LRBA: variants seen among roughly 807,000 people sequenced by gnomAD.
LRBA encodes the protein lipopolysaccharide-responsive and beige-like anchor protein.
Under a neutral mutation model 330.0 loss-of-function variants are expected in LRBA, and 176 were observed. The observed-to-expected ratio is 0.53, with a 90% CI of 0.47 to 0.60. The LOEUF is 0.60. Among genes scored for constraint, LRBA ranks in the 20% least tolerant of loss-of-function variants. The pLI is 0.00. For missense variants in LRBA, 3,259 were observed against 3,444.8 expected (o/e 0.95, Z 1.35); for synonymous variants, 1,230 against 1,193.0 (o/e 1.03, Z -0.64).
At chr4:151,010,367 A>G (rs187481994) in intron 2 of LRBA, among the ~76,000 whole-genome samples, 171 of 152,362 alleles carry the variant, frequency 1.1e-3, no homozygotes, top group Admixed American at 2.2e-3. Context: ...TTACTTTAAA[A>G]TACAGATGAA....
intron 20 of LRBA, among the ~76,000 whole-genome samples, chr4:150,869,027 G>A (rs1464500603): frequency 6.6e-6 from 1 of 152,074 alleles, no homozygotes; most frequent in Non-Finnish European, 1.5e-5. Context: ...CATAATTTAT[G>A]GTATGCACAC....
chr4:150,902,744 G>C (rs1432161670), intron 13 of LRBA, among the ~76,000 whole-genome samples: 1 of 152,024 alleles, frequency 6.6e-6, no homozygotes, highest in African/African-American at 2.4e-5. Flanking sequence ...TGTGCATTTT[G>C]TCCAATCCTT....
At chr4:150,634,605 T>C (rs912210400) in intron 37 of LRBA, among the ~76,000 whole-genome samples, 1 of 152,230 alleles carries the variant, frequency 6.6e-6, no homozygotes, top group Admixed American at 6.5e-5. Context: ...CACAATACTA[T>C]TGTGAAGGAT....
In LRBA at chr4:150,572,402, G is replaced by A. The variant is rs749180380; in HGVS notation, c.6330+15646C>T. ...TTCTAACTACTGAACTTTTATAACA[G>A]GAGTATCTTTGATTAAATAAGGAGC... On this transcript the variant is annotated intron_variant, in intron 40 of 56. Coordinates refer to ENST00000651943, the MANE Select transcript of LRBA (RefSeq NM_001364905.1). 8.4e-4 allele frequency among the ~76,000 whole-genome samples: 128 copies of A among 152,162 alleles called. No individual in the cohort carries two copies. In the Middle Eastern group the frequency reaches 0.01, roughly 12 times the overall value.
intron 2 of LRBA, among the ~76,000 whole-genome samples, chr4:151,012,352 A>C (rs567517550): frequency 6.6e-6 from 1 of 152,370 alleles, no homozygotes; most frequent in Middle Eastern, 3.4e-3. Flanking sequence ...CATTCTAAAG[A>C]ACAGGAGTTC....
At chr4:150,525,176 G>A (rs1026864497) in intron 40 of LRBA, among the ~76,000 whole-genome samples, 3 of 151,962 alleles carry the variant, frequency 2.0e-5, no homozygotes, top group Non-Finnish European at 4.4e-5. Flanking sequence ...ATCAGCTATG[G>A]AGTGAGCATC....
chr4:150,708,236 T>C (rs1785829635), intron 36 of LRBA, among the ~76,000 whole-genome samples: 1 of 151,820 alleles, frequency 6.6e-6, no homozygotes, highest in Non-Finnish European at 1.5e-5. Context: ...AATAACTTAC[T>C]CTCCAGAGCA....
intron 37 of LRBA, among the ~76,000 whole-genome samples, chr4:150,622,934 T>C (rs1776453616): frequency 1.3e-5 from 2 of 152,014 alleles, no homozygotes; most frequent in African/African-American, 4.8e-5. Flanking sequence ...CCTGACCTCG[T>C]GATCCACCCG....
chr4:150,777,480 T>C (rs1737551404), intron 34 of LRBA, among the ~76,000 whole-genome samples: 1 of 152,186 alleles, frequency 6.6e-6, no homozygotes, highest in Admixed American at 6.5e-5. Flanking sequence ...TTCAATGAAA[T>C]ATCCACATTG....
intron 9 of LRBA, among the ~76,000 whole-genome samples, chr4:150,909,217 G>A (rs1455850869): frequency 1.2e-4 from 19 of 152,068 alleles, no homozygotes; most frequent in Non-Finnish European, 1.5e-5. Flanking sequence ...TTGTTCAACA[G>A]CAAATCTCTA....
intron 34 of LRBA, among the ~76,000 whole-genome samples, chr4:150,770,586 TACACACAC>T (rs34361480): frequency 2.7e-5 from 4 of 148,006 alleles, no homozygotes; most frequent in Admixed American, 2.0e-4. Flanking sequence ...TATATATATA[TACACACAC>T]ACACACACAC....
chr4:150,530,299 C>T (rs1763923949), intron 40 of LRBA, among the ~76,000 whole-genome samples: 1 of 152,088 alleles, frequency 6.6e-6, no homozygotes, highest in Non-Finnish European at 1.5e-5. Context: ...AAAGAATCAT[C>T]AAGGGAGTAT....
At chr4:150,291,783 T>C (rs1447967166) in intron 53 of LRBA, among the ~76,000 whole-genome samples, 10 of 150,278 alleles carry the variant, frequency 6.7e-5, no homozygotes, top group South Asian at 2.2e-4. Flanking sequence ...CGTATGTTTA[T>C]TGCGGCATTA....
intron 46 of LRBA, among the ~76,000 whole-genome samples, chr4:150,418,089 A>G (rs1748051258): frequency 6.6e-6 from 1 of 151,612 alleles, no homozygotes; most frequent in South Asian, 2.1e-4. Flanking sequence ...TAGTGGCACA[A>G]TCATAGTTCA....
chr4:150,323,307 A>G (rs1447392808), intron 49 of LRBA, among the ~76,000 whole-genome samples: 1 of 152,176 alleles, frequency 6.6e-6, no homozygotes, highest in Non-Finnish European at 1.5e-5. Context: ...GTTTTTAAAT[A>G]ATATTTACGA....
Position 150,798,121 on chromosome 4 carries a change from C to T in LRBA, c.5540G>A (p.Ser1847Asn), listed in dbSNP as rs1479281405. The T allele has an allele frequency of 6.2e-7, 1 of 1,608,342 alleles. No individual in the cohort carries two copies. ...CATAACCAATTCCACAACTGAACTA[C>T]TCGACTTCATGCAAACCAGACCTAT... ...EGTSLVCMKS[S>N]SSVVELVMLL... is the part of the protein sequence containing the mutation. Residue 1847 changes from serine (S) to asparagine (N), a missense_variant, in exon 34 of 57, where the codon AGT (serine) becomes AAT (asparagine). Ser to Asn is a conservative substitution (Grantham distance 46, BLOSUM62 1). Transcript: ENST00000651943.
intron 56 of LRBA, among the ~76,000 whole-genome samples, chr4:150,271,555 G>C (rs1419986081): frequency 1.6e-5 from 2 of 121,496 alleles, no homozygotes; most frequent in Non-Finnish European, 3.4e-5. Flanking sequence ...GAGCCAAGTG[G>C]TCTGGCTCGG....
intron 37 of LRBA, among the ~76,000 whole-genome samples, chr4:150,638,468 A>T (rs1437739222): frequency 6.6e-6 from 1 of 152,198 alleles, no homozygotes; most frequent in East Asian, 1.9e-4. Context: ...GAGGGACCTC[A>T]TTTACTTTTA....
At chr4:150,707,713 A>T (rs1182058538) in intron 36 of LRBA, among the ~76,000 whole-genome samples, 2 of 151,744 alleles carry the variant, frequency 1.3e-5, no homozygotes, top group Non-Finnish European at 3.0e-5. Context: ...TTCTAGCAAA[A>T]AAGTCTGGTA....
Sources: gnomAD v4.1 joint callset for allele counts (sites outside exome capture counted in the v4.1 genomes callset) on GRCh38, gnomAD v4.1.1 for gene constraint, MANE v1.5 for transcripts, NCBI Gene and HGNC (gene_info 2026-07-23, HGNC 2026-07-21) for gene names.